Variants in NIBAN3 observed in about 807,000 individuals in gnomAD.
The protein encoded by NIBAN3 is niban apoptosis regulator 3.
NIBAN3 carries 66 observed loss-of-function variants against 76.4 expected under a neutral mutation model. The ratio of observed to expected loss-of-function variants is 0.86; its 90% confidence interval spans 0.71 to 1.06. The LOEUF (loss-of-function observed/expected upper bound fraction) is 1.06. NIBAN3 is among the 50% of genes least tolerant of loss of function. NIBAN3 has a pLI of 0.00. For missense variants in NIBAN3, 808 were observed against 810.7 expected (o/e 1.00, Z 0.04); for synonymous variants, 360 against 355.2 (o/e 1.01, Z -0.15).
intron 8 of NIBAN3, 118 bp from the exon 9 acceptor site, chr19:17,540,274 T>C (rs1232376211): frequency 1.6e-5 from 10 of 641,472 alleles, no homozygotes; most frequent in Non-Finnish European, 7.1e-6. Context: ...ATCATTACAA[T>C]GGGTAGAAGA....
At position 17,539,201 on chromosome 19, in the gene NIBAN3, G is replaced by A. The variant is rs1270559840; in HGVS notation, c.647G>A (p.Arg216Gln). The change falls in exon 6 of 15, where the codon CGA (arginine) becomes CAA (glutamine). Residue 216 changes from arginine to glutamine, a missense_variant. Transcript: ENST00000599164. Reference protein sequence around the residue: ...PAARAFLDAVRLYRQHQGHFG... With the variant: ...PAARAFLDAVQLYRQHQGHFG... ...GCCCGGGCCTTCCTGGACGCCGTCCGACTCTACCGGCAGCACCAAGGCCAC... is the reference window on the plus strand; with the variant it reads ...GCCCGGGCCTTCCTGGACGCCGTCCAACTCTACCGGCAGCACCAAGGCCAC... The A allele has an allele frequency of 6.2e-7, 1 of 1,608,092 alleles. No homozygotes were observed. The highest frequency in any genetic ancestry group is 8.5e-7 in the Non-Finnish European group (1 of 1,177,712).
At chr19:17,544,601 G>T (rs533996083) in intron 12 of NIBAN3, among the ~76,000 whole-genome samples, 4 of 152,354 alleles carry the variant, frequency 2.6e-5, no homozygotes, top group African/African-American at 9.6e-5. Flanking sequence ...CACAGCATGT[G>T]CAAAGGCCCT....
chr19:17,523,901 T>TC (rs1475095066), upstream of NIBAN3, among the ~76,000 whole-genome samples: 5 of 152,146 alleles, frequency 3.3e-5, no homozygotes, highest in African/African-American at 1.2e-4. Context: ...CGCTTTCTTT[T>TC]TTGGGGGGAC....
chr19:17,540,106 AGC>A (rs1439601731), intron 8 of NIBAN3: 5 of 334,692 alleles, frequency 1.5e-5, no homozygotes, highest in African/African-American at 2.4e-5. Context: ...TGAGGCCCAG[AGC>A]CGGGCCAATG....
At position 17,532,294 on chromosome 19, in the gene NIBAN3, C is replaced by G; in HGVS notation, c.218C>G (p.Pro73Arg). The part of the protein sequence containing the change: ...KLPRVREHRG[P>R]LTQLRGHPPR... ...CCCCGAGTCCGTGAGCACCGAGGAC[C>G]CCTGACCCAGCTTCGGGGCCACCCA... The change falls in exon 3 of 15, where the codon CCC (proline) becomes CGC (arginine). Residue 73 changes from proline to arginine, a missense_variant. By Grantham distance (103) the Pro-to-Arg change is moderately radical. Transcript: ENST00000599164. The G allele has an allele frequency of 6.2e-7, 1 of 1,613,952 alleles. No individual in the cohort carries two copies. Among genetic ancestry groups the G allele is most frequent in the Non-Finnish European group, 8.5e-7 (1 of 1,179,922 alleles).
At chr19:17,527,175 C>T, upstream of NIBAN3, 1 of 1,531,298 alleles carries the variant, frequency 6.5e-7, no homozygotes, top group Non-Finnish European at 8.8e-7. Flanking sequence ...AACACGGGCC[C>T]CAGGGGAGTG....
chr19:17,529,932 G>A (rs1212939280), intron 1 of NIBAN3, among the ~76,000 whole-genome samples: 1 of 152,060 alleles, frequency 6.6e-6, no homozygotes, highest in African/African-American at 2.4e-5. Flanking sequence ...GGTGGCACGT[G>A]CACATGATCC....
In NIBAN3 at chr19:17,549,490, C is replaced by G; in HGVS notation, c.1713C>G (p.Asp571Glu). Residue 571 changes from aspartate to glutamate, a missense_variant, in exon 14 of 15, where the codon GAC becomes GAG. By Grantham distance (45) the Asp-to-Glu change is conservative. Transcript: ENST00000599164. ...LGANDVSCTL[D>E]GCLEVPWEQE... ...CCAATGATGTATCCTGCACTCTGGA[C>G]GGCTGCTTGGAGGTCCCATGGGAAC... 1 of 1,613,912 alleles carries G rather than the reference C, an allele frequency of 6.2e-7. No homozygotes were observed. The highest frequency in any genetic ancestry group is 1.1e-5 in the South Asian group (1 of 91,072).
At chr19:17,539,496 G>T (rs1177094670) in intron 7 of NIBAN3, 45 bp downstream of exon 7, 11 of 1,456,432 alleles carry the variant, frequency 7.6e-6, no homozygotes, top group Middle Eastern at 3.8e-4. Context: ...GGATGCGGGC[G>T]TTCGGGTTCC....
Position 17,542,168 on chromosome 19 carries a change from G to A in NIBAN3, c.1203G>A (p.Leu401=), listed in dbSNP as rs1344607009. 2.5e-6 allele frequency: 4 copies of A among 1,614,186 alleles called. No homozygotes were observed. The highest frequency in any genetic ancestry group is 2.7e-5 in the African/African-American group (2 of 75,050). ...VYSFGEMPWD[L]ALMQTCYREA... ...CATTTGGGGAGATGCCGTGGGACTT[G>A]GCGCTGATGCAGACATGCTACCGTG... The change falls in exon 10 of 15, where the codon TTG becomes TTA. Residue 401 remains leucine (L), a synonymous_variant. Transcript: ENST00000599164. The surrounding 1 kb of genome is among the most constrained non-coding windows in gnomAD (Gnocchi z 4.8).
intron 5 of NIBAN3, among the ~76,000 whole-genome samples, chr19:17,537,839 G>A (rs779552208): frequency 2.0e-5 from 3 of 152,060 alleles, no homozygotes; most frequent in Non-Finnish European, 2.9e-5. Flanking sequence ...CCAGCCACTC[G>A]GGAGGCTGAG....
intron 5 of NIBAN3, 154 bp from the exon 6 acceptor site, chr19:17,538,996 T>C (rs2075882053): frequency 1.6e-6 from 1 of 632,326 alleles, no homozygotes; most frequent in Non-Finnish European, 2.7e-6. Flanking sequence ...CTTGGGGGAC[T>C]GTGTTCCCTG....
chr19:17,532,320 C>A lies in NIBAN3; in HGVS notation c.244C>A (p.Pro82Thr), dbSNP rs753329020. The A allele has an allele frequency of 4.3e-6, 7 of 1,614,150 alleles. No individual in the cohort carries two copies. The South Asian group carries it at 6.6e-5, about 15-fold the overall frequency. Residue 82 changes from proline to threonine, a missense_variant, in exon 3 of 15, where the codon CCC (proline) becomes ACC (threonine). Transcript: ENST00000599164. ...GPLTQLRGHP[P>T]RWQPIFCVLR... ...CCTGACCCAGCTTCGGGGCCACCCACCCCGGTGGCAGCCGATCTTCTGTGT... is the reference window on the plus strand; with the variant it reads ...CCTGACCCAGCTTCGGGGCCACCCAACCCGGTGGCAGCCGATCTTCTGTGT...
chr19:17,542,146 T>C lies in NIBAN3; in HGVS notation c.1181T>C (p.Phe394Ser), dbSNP rs1210515186. 10 of 1,614,078 alleles carry C rather than the reference T, an allele frequency of 6.2e-6. No individual in the cohort carries two copies. The highest frequency in any genetic ancestry group is 3.3e-5 in the South Asian group (3 of 91,086). Residue 394 changes from phenylalanine to serine, a missense_variant, in exon 10 of 15, where the codon TTT becomes TCT. Transcript: ENST00000599164. The surrounding 1 kb of genome is among the most constrained non-coding windows in gnomAD (Gnocchi z 4.8). ...CTTCCGGGAGCACAGGTTTACTCAT[T>C]TGGGGAGATGCCGTGGGACTTGGCG... is the stretch of plus-strand genomic sequence containing the variant. Reference protein sequence around the residue: ...GTRLRREVYSFGEMPWDLALM... With the variant: ...GTRLRREVYSSGEMPWDLALM...
chr19:17,526,928 C>T (rs1440035813), upstream of NIBAN3, among the ~76,000 whole-genome samples: 2 of 152,116 alleles, frequency 1.3e-5, no homozygotes, highest in Non-Finnish European at 2.9e-5. Context: ...GGTCCAGCCT[C>T]ACCGGGCACA....
Position 17,553,420 on chromosome 19 carries a change from C to T in NIBAN3, c.*1522C>T, listed in dbSNP as rs751533878. ...TGCTAACTGGATATTGGCAGCTTCT[C>T]TGCTGTCTTGCAGCTGCTTCCGGAG... is the stretch of plus-strand genomic sequence containing the variant. On this transcript the variant is annotated 3_prime_UTR_variant, in exon 15 of 15. Coordinates refer to ENST00000599164, the MANE Select transcript of NIBAN3 (RefSeq NM_001321827.2). 2.5e-6 allele frequency: 4 copies of T among 1,614,202 alleles called. No individual in the cohort carries two copies. The highest frequency in any genetic ancestry group is 2.7e-5 in the African/African-American group (2 of 75,058).
chr19:17,529,592 A>G (rs1035359855), intron 1 of NIBAN3, among the ~76,000 whole-genome samples: 8 of 152,264 alleles, frequency 5.3e-5, no homozygotes, highest in African/African-American at 1.9e-4. Context: ...GCACACCTCC[A>G]TCACTCACAG....
intron 3 of NIBAN3, among the ~76,000 whole-genome samples, chr19:17,532,869 AGGGAAAG>A (rs957438777): frequency 6.6e-6 from 1 of 150,952 alleles, no homozygotes; most frequent in African/African-American, 2.4e-5. Flanking sequence ...GGAGGAAGGG[AGGGAAAG>A]GGGAAAGGGA....
At chr19:17,532,177 C>T (rs2075738390) in intron 2 of NIBAN3, 86 bp from the exon 3 acceptor site, 21 of 1,499,082 alleles carry the variant, frequency 1.4e-5, no homozygotes, top group Admixed American at 1.3e-4. Flanking sequence ...TAGCGTCACC[C>T]CAGGATACAG....
Sources: allele counts gnomAD v4.1 joint callset (sites outside exome capture counted in the v4.1 genomes callset), GRCh38; gene constraint gnomAD v4.1.1; non-coding constraint Gnocchi (gnomAD v3.1); transcripts MANE v1.5; gene names NCBI Gene and HGNC (gene_info 2026-07-23, HGNC 2026-07-21).